Variants in CRACD observed in about 807,000 individuals in gnomAD.
CRACD encodes the protein capping protein-inhibiting regulator of actin dynamics.
CRACD carries 56 observed loss-of-function variants against 106.8 expected under a neutral mutation model. The observed-to-expected ratio is 0.52, with a 90% CI of 0.42 to 0.66. CRACD has a LOEUF of 0.66. Ranked by LOEUF, CRACD falls within the 30% of genes least tolerant of loss-of-function variation. CRACD has a pLI of 0.00. For synonymous variants in CRACD, 754 were observed against 670.8 expected (o/e 1.12, Z -1.92); for missense variants, 1,730 against 1,623.2 (o/e 1.07, Z -1.13).
At chr4:56,050,842 C>T (rs999332688) in intron 1 of CRACD, among the ~76,000 whole-genome samples, 1 of 152,198 alleles carries the variant, frequency 6.6e-6, no homozygotes, top group Non-Finnish European at 1.5e-5. Context: ...TTACAGTCAT[C>T]TCTAACACAT....
In CRACD at chr4:56,263,328, A is replaced by G. The variant is rs149591556; in HGVS notation, c.-188-8993A>G. Among the ~76,000 whole-genome samples the G allele has an allele frequency of 2.3e-3, 350 of 152,312 alleles. 2 individuals carry two copies. Among genetic ancestry groups the G allele is most frequent in the African/African-American group, 7.7e-3 (321 of 41,558 alleles). Reference sequence around the variant, plus strand: ...CAGCAGGTCCAAGGTGATCTCTTAAATGTCACACAACTATAACATGGTGTA... The same window carrying G: ...CAGCAGGTCCAAGGTGATCTCTTAAGTGTCACACAACTATAACATGGTGTA... On this transcript the variant is annotated intron_variant, in intron 2 of 10. Transcript: ENST00000682029.
chr4:56,066,379 C>G (rs1258531527), intron 1 of CRACD, among the ~76,000 whole-genome samples: 2 of 152,032 alleles, frequency 1.3e-5, no homozygotes, highest in Non-Finnish European at 2.9e-5. Flanking sequence ...AGCTTGTGGT[C>G]AGAAGCTTAT....
At chr4:56,269,454 T>A (rs1742219576) in intron 2 of CRACD, among the ~76,000 whole-genome samples, 1 of 151,838 alleles carries the variant, frequency 6.6e-6, no homozygotes, top group South Asian at 2.1e-4. Context: ...CGCCAGCATC[T>A]GTTTGCCTTC....
At chr4:56,058,347 G>A (rs1339332232) in intron 1 of CRACD, among the ~76,000 whole-genome samples, 1 of 152,230 alleles carries the variant, frequency 6.6e-6, no homozygotes, top group East Asian at 1.9e-4. Context: ...AGGATTACAG[G>A]TGTGAGCCAC....
intron 2 of CRACD, among the ~76,000 whole-genome samples, chr4:56,259,539 A>G (rs1056260362): frequency 5.3e-5 from 8 of 152,168 alleles, no homozygotes; most frequent in African/African-American, 1.9e-4. Flanking sequence ...GTTATTTAAA[A>G]ACATAACTCA....
chr4:56,175,766 A>G (rs763204963), intron 1 of CRACD, among the ~76,000 whole-genome samples: 13 of 152,158 alleles, frequency 8.5e-5, no homozygotes, highest in African/African-American at 2.7e-4. Context: ...TTTCCTCGCT[A>G]TGCAGAAGCT....
intron 6 of CRACD, among the ~76,000 whole-genome samples, chr4:56,312,409 C>G (rs146227587): frequency 1.3e-5 from 2 of 152,252 alleles, no homozygotes; most frequent in East Asian, 3.9e-4. Flanking sequence ...GTGATCTGCC[C>G]GCTTCAGCCT....
intron 3 of CRACD, among the ~76,000 whole-genome samples, chr4:56,295,364 C>T (rs962966908): frequency 6.6e-6 from 1 of 151,990 alleles, no homozygotes; most frequent in Non-Finnish European, 1.5e-5. Flanking sequence ...ATAAATGTTA[C>T]CACTGTGACC....
At chr4:56,306,428 A>G (rs1744703343) in intron 4 of CRACD, among the ~76,000 whole-genome samples, 1 of 152,100 alleles carries the variant, frequency 6.6e-6, no homozygotes, top group Non-Finnish European at 1.5e-5. Flanking sequence ...TGGGAGAATC[A>G]TCTGAACCTG....
At chr4:56,193,342 G>T (rs1160539605) in intron 2 of CRACD, among the ~76,000 whole-genome samples, 3 of 152,260 alleles carry the variant, frequency 2.0e-5, no homozygotes, top group Non-Finnish European at 2.9e-5. Flanking sequence ...GCCAAACCAT[G>T]TCACCAGCCT....
chr4:56,202,054 C>T (rs1435704730), intron 2 of CRACD, among the ~76,000 whole-genome samples: 3 of 152,138 alleles, frequency 2.0e-5, no homozygotes, highest in Non-Finnish European at 4.4e-5. Context: ...CTGCTTAGCG[C>T]ACATGTGCAT....
At chr4:56,194,815 C>T (rs1737532013) in intron 2 of CRACD, among the ~76,000 whole-genome samples, 1 of 152,128 alleles carries the variant, frequency 6.6e-6, no homozygotes, top group South Asian at 2.1e-4. Context: ...GTTATAGCAG[C>T]CCAAATGGAC....
intron 2 of CRACD, among the ~76,000 whole-genome samples, chr4:56,228,279 T>A (rs764425890): frequency 1.3e-4 from 20 of 152,160 alleles, no homozygotes; most frequent in Admixed American, 2.6e-4. Flanking sequence ...ATTATAACAC[T>A]CTTTATGAGA....
At chr4:56,088,410 C>T (rs190519103) in intron 1 of CRACD, among the ~76,000 whole-genome samples, 2 of 151,306 alleles carry the variant, frequency 1.3e-5, no homozygotes, top group East Asian at 2.0e-4. Context: ...GATCTCGGCT[C>T]CTGCAATCTC....
At chr4:56,156,283 C>T (rs888484764) in intron 1 of CRACD, among the ~76,000 whole-genome samples, 11 of 152,272 alleles carry the variant, frequency 7.2e-5, no homozygotes, top group Admixed American at 7.2e-4. Context: ...CTTTAAAAGT[C>T]CCACTCACTG....
rs1027550564 is a variant in CRACD, at chr4:56,256,948, G to A, written c.-188-15373G>A. On this transcript the variant is annotated intron_variant, in intron 2 of 10. Transcript: ENST00000682029. The stretch of plus-strand genomic sequence containing the variant: ...TGGAATTCAGGCACAACTGACCAGC[G>A]TTAACATTAAAACAGAGATCTTAAG... Among the ~76,000 whole-genome samples the A allele has an allele frequency of 7.2e-5, 11 of 152,180 alleles. No individual in the cohort carries two copies. The South Asian group carries it at 1.0e-3, about 14-fold the overall frequency.
At chr4:56,111,366 A>ATG (rs71666113) in intron 1 of CRACD, among the ~76,000 whole-genome samples, 71,651 of 151,778 alleles carry the variant, frequency 0.47, 18,138 homozygotes, top group African/African-American at 0.66. Context: ...AGTAGGAAAA[A>ATG]GGGATGGAGG....
In CRACD at chr4:56,330,605, C is replaced by T. The variant is rs1018088304; in HGVS notation, c.*2801C>T. ...AAGATCTTTCAATAAAAAATACCCA[C>T]GAGATCTTCGGCACTGATGGAATTT... is the stretch of plus-strand genomic sequence containing the variant. On this transcript the variant is annotated 3_prime_UTR_variant, in exon 11 of 11. Coordinates refer to ENST00000682029, the MANE Select transcript of CRACD (RefSeq NM_001393381.1). Among the ~76,000 whole-genome samples, 10 of 152,168 alleles carry T rather than the reference C, an allele frequency of 6.6e-5. No individual in the cohort carries two copies. The highest frequency in any genetic ancestry group is 1.5e-4 in the Non-Finnish European group (10 of 68,020).
At chr4:56,293,878 T>C (rs983813275) in intron 3 of CRACD, among the ~76,000 whole-genome samples, 4 of 152,150 alleles carry the variant, frequency 2.6e-5, no homozygotes, top group East Asian at 3.9e-4. Flanking sequence ...CAGTAGATCA[T>C]GTGTCTTTTC....
Sources: gnomAD v4.1 joint callset for allele counts (sites outside exome capture counted in the v4.1 genomes callset) on GRCh38, gnomAD v4.1.1 for gene constraint, MANE v1.5 for transcripts, NCBI Gene and HGNC (gene_info 2026-07-23, HGNC 2026-07-21) for gene names.